THSD4: variants seen among roughly 807,000 people sequenced by gnomAD.
THSD4 encodes thrombospondin type-1 domain-containing protein 4.
In THSD4, 69 loss-of-function variants were observed where a neutral mutation model predicts 119.0. The ratio of observed to expected loss-of-function variants is 0.58; its 90% CI spans 0.48 to 0.71. THSD4 has a LOEUF of 0.71. THSD4 is among the 30% of genes least tolerant of loss of function. The probability of loss-of-function intolerance (pLI) is 0.00; values close to 1 mark genes in which losing one functional copy is unlikely to be tolerated. For missense variants in THSD4, 1,393 were observed against 1,391.1 expected (o/e 1.00, Z -0.02); for synonymous variants, 524 against 540.4 (o/e 0.97, Z 0.42).
At chr15:71,279,086 A>G (rs902618488) in intron 6 of THSD4, among the ~76,000 whole-genome samples, 3 of 152,190 alleles carry the variant, frequency 2.0e-5, no homozygotes, top group African/African-American at 7.2e-5. Flanking sequence ...TACATCAGTA[A>G]CTATTATGAG....
At chr15:71,647,143 AGAAGGT>A (rs2050985474) in intron 7 of THSD4, among the ~76,000 whole-genome samples, 1 of 152,378 alleles carries the variant, frequency 6.6e-6, no homozygotes, top group East Asian at 1.9e-4. Context: ...GTTCTACCAA[AGAAGGT>A]GAAGGATCGG....
At chr15:71,570,785 G>A (rs1176487343) in intron 7 of THSD4, among the ~76,000 whole-genome samples, 2 of 152,278 alleles carry the variant, frequency 1.3e-5, no homozygotes, top group South Asian at 4.1e-4. Flanking sequence ...TAGAGTGGCA[G>A]TGTCTTCAAC....
At chr15:71,441,822 G>A (rs2047098742) in intron 7 of THSD4, among the ~76,000 whole-genome samples, 2 of 152,126 alleles carry the variant, frequency 1.3e-5, no homozygotes, top group South Asian at 4.2e-4. Flanking sequence ...GTAAAGCGGG[G>A]ATGAGAGCAG....
intron 1 of THSD4, among the ~76,000 whole-genome samples, chr15:71,098,321 G>A (rs762268499): frequency 2.1e-5 from 3 of 142,456 alleles, no homozygotes; most frequent in African/African-American, 5.3e-5. Context: ...TCAGCCTCTC[G>A]AGTAGCTGGG....
At chr15:71,442,618 GTATATA>G (rs1378613299) in intron 7 of THSD4, among the ~76,000 whole-genome samples, 2 of 53,484 alleles carry the variant, frequency 3.7e-5, no homozygotes, top group South Asian at 8.2e-4. Flanking sequence ...GTGTGTGTGT[GTATATA>G]TATATGTATG....
intron 1 of THSD4, among the ~76,000 whole-genome samples, chr15:71,129,779 T>C (rs2141360427): frequency 6.6e-6 from 1 of 152,296 alleles, no homozygotes. Context: ...ACAGTGGTGA[T>C]TGCTACAAAT....
chr15:71,308,159 T>C (rs934698837), intron 6 of THSD4, among the ~76,000 whole-genome samples: 2 of 152,190 alleles, frequency 1.3e-5, no homozygotes, highest in Admixed American at 6.5e-5. Flanking sequence ...AAAAACACTC[T>C]TATCAGGACA....
chr15:71,324,042 T>C (rs1469496515), intron 6 of THSD4, among the ~76,000 whole-genome samples: 1 of 152,172 alleles, frequency 6.6e-6, no homozygotes, highest in Non-Finnish European at 1.5e-5. Flanking sequence ...TACAGCAGTG[T>C]TTCCCAACCC....
chr15:71,295,138 A>T (rs976878039), intron 6 of THSD4, among the ~76,000 whole-genome samples: 1 of 152,178 alleles, frequency 6.6e-6, no homozygotes, highest in African/African-American at 2.4e-5. Flanking sequence ...CAGATTAGGC[A>T]GGAAGGAAAT....
Position 71,251,221 on chromosome 15 carries a change from C to T in THSD4, c.913-5392C>T, listed in dbSNP as rs530886936. 1.0e-3 allele frequency among the ~76,000 whole-genome samples: 153 copies of T among 152,254 alleles called. 4 individuals are homozygous for T. The highest frequency in any genetic ancestry group is 3.3e-3 in the South Asian group (16 of 4,816). ...ATAGCTAGAAAACAAGCCCATTTTC[C>T]AGCTGTAGATGAGAAAGGAAGGAAG... On this transcript the variant is annotated intron_variant, in intron 5 of 17. Transcript: ENST00000261862.
At chr15:71,157,928 T>C (rs2040795902) in intron 3 of THSD4, among the ~76,000 whole-genome samples, 1 of 152,094 alleles carries the variant, frequency 6.6e-6, no homozygotes. Context: ...TTACTGTGAA[T>C]AGTGCTGCAG....
chr15:71,562,643 A>C (rs11072298), intron 7 of THSD4, among the ~76,000 whole-genome samples: 103,247 of 150,710 alleles, frequency 0.69, 36,018 homozygotes, highest in Middle Eastern at 0.8. Flanking sequence ...TTCCTGCTTC[A>C]TGCCTATTCT....
intron 6 of THSD4, among the ~76,000 whole-genome samples, chr15:71,311,089 C>T (rs1479992928): frequency 1.3e-5 from 2 of 152,144 alleles, no homozygotes; most frequent in Admixed American, 6.5e-5. Flanking sequence ...CTGGAGCCTT[C>T]CAATTTCTTA....
At chr15:71,109,790 C>T (rs907276171) in intron 1 of THSD4, among the ~76,000 whole-genome samples, 2 of 151,008 alleles carry the variant, frequency 1.3e-5, no homozygotes, top group African/African-American at 4.9e-5. Flanking sequence ...GTCTGGTGAG[C>T]CGCTACAACT....
chr15:71,552,508 C>T (rs2048947695), intron 7 of THSD4, among the ~76,000 whole-genome samples: 1 of 152,232 alleles, frequency 6.6e-6, no homozygotes, highest in African/African-American at 2.4e-5. Flanking sequence ...ACAATTCTCC[C>T]TGGCTTTGCC....
intron 6 of THSD4, among the ~76,000 whole-genome samples, chr15:71,266,592 A>C (rs941508678): frequency 6.6e-6 from 1 of 152,000 alleles, no homozygotes; most frequent in African/African-American, 2.4e-5. Flanking sequence ...AAGGGAACAA[A>C]ACTGAACAGA....
chr15:71,635,009 G>T lies in THSD4; in HGVS notation c.1153-25521G>T, dbSNP rs574549101. Among the ~76,000 whole-genome samples the T allele has an allele frequency of 2.0e-5, 3 of 152,144 alleles. 1 individual carries two copies. Among genetic ancestry groups the T allele is most frequent in the Non-Finnish European group, 4.4e-5 (3 of 68,030 alleles). On this transcript the variant is annotated intron_variant, in intron 7 of 17. Coordinates refer to ENST00000261862, the MANE Select transcript of THSD4 (RefSeq NM_024817.3). Reference sequence around the variant, plus strand: ...ACAAAAGCCTGATCCCATTAAGACCGTCAGATATTTCCTGCCATCGCATGG... The same window carrying T: ...ACAAAAGCCTGATCCCATTAAGACCTTCAGATATTTCCTGCCATCGCATGG...
Position 71,193,833 on chromosome 15 carries a change from T to A in THSD4, c.100-21202T>A, listed in dbSNP as rs925943908. On this transcript the variant is annotated intron_variant, in intron 3 of 17. Coordinates refer to ENST00000261862, the MANE Select transcript of THSD4 (RefSeq NM_024817.3). ...CACCATTCTCCTGCCTCAGCCTCCC[T>A]AGTCCCCCCTGGGACTACAGGCGCC... is the stretch of plus-strand genomic sequence containing the variant. Among the ~76,000 whole-genome samples the A allele has an allele frequency of 3.3e-5, 5 of 151,974 alleles. No individual in the cohort carries two copies. The East Asian group carries it at 9.7e-4, about 29-fold the overall frequency.
intron 7 of THSD4, among the ~76,000 whole-genome samples, chr15:71,625,966 A>C (rs4368125): frequency 0.53 from 80,617 of 152,046 alleles, 21,785 homozygotes; most frequent in African/African-American, 0.61. Context: ...TGGTTTTGTC[A>C]TTCAAAATTG....
Sources: allele counts gnomAD v4.1 joint callset (sites outside exome capture counted in the v4.1 genomes callset), GRCh38; gene constraint gnomAD v4.1.1; transcripts MANE v1.5; gene names NCBI Gene and HGNC (gene_info 2026-07-23, HGNC 2026-07-21).